SPATS2L: variants seen among roughly 807,000 people sequenced by gnomAD.
SPATS2L encodes spermatogenesis associated serine rich 2 like, also known as SPATS2-like protein.
A neutral mutation model predicts 59.6 loss-of-function variants in SPATS2L; 30 were observed. That is an observed-to-expected ratio of 0.50 (90% CI 0.38 to 0.68). SPATS2L has a LOEUF of 0.68. Ranked by LOEUF, SPATS2L falls within the 30% of genes least tolerant of loss-of-function variation. SPATS2L has a pLI of 0.00. For synonymous variants in SPATS2L, 252 were observed against 263.5 expected (o/e 0.96, Z 0.42); for missense variants, 615 against 700.0 (o/e 0.88, Z 1.37).
At position 200,461,290 on chromosome 2, in the gene SPATS2L, G is replaced by C. The variant is rs182049905; in HGVS notation, c.847+1463G>C. Reference sequence around the variant, plus strand: ...ATAATGAACACGCTCAAATTATCTTGATCATTGCAAAACTTAATCCTAAAT... The same window carrying C: ...ATAATGAACACGCTCAAATTATCTTCATCATTGCAAAACTTAATCCTAAAT... On this transcript the variant is annotated intron_variant, in intron 9 of 12. Transcript: ENST00000409140. The C allele has an allele frequency of 8.8e-4, 134 of 152,146 alleles. 2 individuals are homozygous for C. Among genetic ancestry groups the C allele is most frequent in the African/African-American group, 3.1e-3 (127 of 41,500 alleles). 9.4% of individuals were successfully genotyped at this position (152,146 alleles called of 1,614,324 possible).
At position 200,410,944 on chromosome 2, in the gene SPATS2L, C is replaced by G. The variant is rs373665030; in HGVS notation, c.40-1367C>G. On this transcript the variant is annotated intron_variant, in intron 3 of 12. Coordinates refer to ENST00000409140, the MANE Select transcript of SPATS2L (RefSeq NM_001100423.2). ...AGACGTTAATTTGTTTTAATGGATG[C>G]CAGAAAAACTAAGAACAATGAAATG... 5.3e-5 allele frequency among the ~76,000 whole-genome samples: 8 copies of G among 150,358 alleles called. No homozygotes were observed. The East Asian group carries it at 1.4e-3, about 26-fold the overall frequency.
intron 4 of SPATS2L, among the ~76,000 whole-genome samples, chr2:200,414,393 G>T (rs2082987103): frequency 6.6e-6 from 1 of 152,152 alleles, no homozygotes; most frequent in African/African-American, 2.4e-5. Flanking sequence ...CCAGCATACT[G>T]GGAGGTCAAG....
At chr2:200,403,166 T>C (rs1242098088) in intron 3 of SPATS2L, among the ~76,000 whole-genome samples, 2 of 152,234 alleles carry the variant, frequency 1.3e-5, no homozygotes, top group Non-Finnish European at 2.9e-5. Context: ...TTAGACTCCC[T>C]TAATGGATAA....
intron 2 of SPATS2L, among the ~76,000 whole-genome samples, chr2:200,358,024 C>T (rs1210990604): frequency 2.0e-5 from 3 of 152,090 alleles, no homozygotes; most frequent in Non-Finnish European, 4.4e-5. Context: ...GCCAAACATT[C>T]CTGTTACAGA....
intron 1 of SPATS2L, among the ~76,000 whole-genome samples, chr2:200,326,084 A>T (rs2079729637): frequency 6.6e-6 from 1 of 152,228 alleles, no homozygotes; most frequent in Non-Finnish European, 1.5e-5. Context: ...CCAGGTAGAA[A>T]GGGTGTAGTC....
chr2:200,379,285 T>G (rs2081716006), intron 2 of SPATS2L, among the ~76,000 whole-genome samples: 1 of 152,236 alleles, frequency 6.6e-6, no homozygotes, highest in South Asian at 2.1e-4. Flanking sequence ...TGTGCTCATG[T>G]TTATTTTTCT....
At chr2:200,344,308 A>G (rs2080435920) in intron 2 of SPATS2L, among the ~76,000 whole-genome samples, 1 of 152,170 alleles carries the variant, frequency 6.6e-6, no homozygotes, top group Non-Finnish European at 1.5e-5. Flanking sequence ...CTTATAAGTG[A>G]GAACACACAA....
At chr2:200,311,865 G>A (rs1165965985) in intron 1 of SPATS2L, among the ~76,000 whole-genome samples, 1 of 152,138 alleles carries the variant, frequency 6.6e-6, no homozygotes, top group Admixed American at 6.5e-5. Flanking sequence ...TAGAATGACA[G>A]TTGTTTGAGG....
intron 2 of SPATS2L, chr2:200,372,289 C>A: frequency 2.8e-6 from 2 of 723,472 alleles, no homozygotes; most frequent in Non-Finnish European, 3.4e-6. Flanking sequence ...CATTCAATGG[C>A]CAGCCAGCTT....
intron 2 of SPATS2L, among the ~76,000 whole-genome samples, chr2:200,346,022 C>T (rs2080500206): frequency 6.6e-6 from 1 of 152,228 alleles, no homozygotes; most frequent in African/African-American, 2.4e-5. Flanking sequence ...AGACCTCTGT[C>T]TGTCTACAAA....
At chr2:200,369,078 T>TAA (rs11383455) in intron 2 of SPATS2L, among the ~76,000 whole-genome samples, 160 of 126,286 alleles carry the variant, frequency 1.3e-3, no homozygotes, top group East Asian at 5.1e-3. Context: ...TTGATAGTTC[T>TAA]AAAAAAAAAA....
intron 10 of SPATS2L, among the ~76,000 whole-genome samples, chr2:200,469,120 T>G (rs1035471918): frequency 1.3e-5 from 2 of 152,232 alleles, no homozygotes; most frequent in Non-Finnish European, 2.9e-5. Context: ...TGAAATGAGA[T>G]TATCTGCTAA....
chr2:200,352,299 A>T (rs1404800101), intron 2 of SPATS2L, among the ~76,000 whole-genome samples: 1 of 125,848 alleles, frequency 7.9e-6, no homozygotes, highest in African/African-American at 3.2e-5. Context: ...TTGAGGCTAT[A>T]TAACCAGCAG....
intron 2 of SPATS2L, among the ~76,000 whole-genome samples, chr2:200,354,381 G>A (rs1032582873): frequency 6.6e-6 from 1 of 152,140 alleles, no homozygotes; most frequent in Non-Finnish European, 1.5e-5. Flanking sequence ...GACCGAGGTG[G>A]GAGGACTGCT....
At chr2:200,341,730 C>A (rs1198547520) in intron 2 of SPATS2L, among the ~76,000 whole-genome samples, 2 of 150,396 alleles carry the variant, frequency 1.3e-5, no homozygotes, top group Non-Finnish European at 2.9e-5. Flanking sequence ...TGCTCTGTCG[C>A]CCAGGCTGGA....
At chr2:200,408,173 G>A (rs1048023273) in intron 3 of SPATS2L, among the ~76,000 whole-genome samples, 1 of 152,298 alleles carries the variant, frequency 6.6e-6, no homozygotes, top group East Asian at 1.9e-4. Context: ...ATTTCACCTG[G>A]AATGTGCAAT....
chr2:200,346,275 C>T (rs1411197691), intron 2 of SPATS2L, among the ~76,000 whole-genome samples: 1 of 152,172 alleles, frequency 6.6e-6, no homozygotes, highest in African/African-American at 2.4e-5. Flanking sequence ...CTAGGAAACC[C>T]ATATTTTGAT....
At chr2:200,332,212 G>T (rs1233497916) in intron 2 of SPATS2L, among the ~76,000 whole-genome samples, 1 of 151,814 alleles carries the variant, frequency 6.6e-6, no homozygotes, top group Non-Finnish European at 1.5e-5. Context: ...AGATTTGGAA[G>T]AATCAGCTTT....
At chr2:200,449,069 T>C (rs1405452759) in intron 8 of SPATS2L, among the ~76,000 whole-genome samples, 1 of 152,252 alleles carries the variant, frequency 6.6e-6, no homozygotes, top group Non-Finnish European at 1.5e-5. Flanking sequence ...CAAGTCCCTG[T>C]AGTGCAGTAT....
Sources: allele counts gnomAD v4.1 joint callset (sites outside exome capture counted in the v4.1 genomes callset), GRCh38; gene constraint gnomAD v4.1.1; transcripts MANE v1.5; gene names NCBI Gene and HGNC (gene_info 2026-07-23, HGNC 2026-07-21).